Variants in LINGO2 observed in about 807,000 individuals in gnomAD.
LINGO2 encodes leucine-rich repeat and immunoglobulin-like domain-containing nogo receptor-interacting protein 2.
In LINGO2, 14 loss-of-function variants were observed where a neutral mutation model predicts 30.6. That is an observed-to-expected ratio of 0.46 (90% CI 0.30 to 0.72). LINGO2 has a LOEUF of 0.72. LINGO2 is among the 30% of genes least tolerant of loss of function. LINGO2 has a pLI of 0.07. For missense variants in LINGO2, 729 were observed against 751.7 expected, an observed-to-expected ratio of 0.97 and a Z score of 0.35; for synonymous variants, 317 against 288.5, an observed-to-expected ratio of 1.10 and a Z score of -1.00.
chr9:29,119,257 T>C, the LINGO2 span, among the ~76,000 whole-genome samples: 1 of 152,178 alleles, frequency 6.6e-6, no homozygotes, highest in African/African-American at 2.4e-5. Flanking sequence ...AGTGGCAGTC[T>C]ATGGAATGGA....
In LINGO2 at chr9:28,422,291, A is replaced by T. The variant is rs528656266; in HGVS notation, c.-278-49423T>A. Among the ~76,000 whole-genome samples, 3 of 152,234 alleles carry T rather than the reference A, an allele frequency of 2.0e-5. No individual in the cohort carries two copies. The South Asian group carries it at 6.2e-4, about 32-fold the overall frequency. On this transcript the variant is annotated intron_variant, in intron 2 of 5. Coordinates refer to ENST00000379992, the Ensembl canonical transcript of LINGO2. ...CTAAAAAGAGGTTAATATCCAGAAT[A>T]TATAAATAATTCCTACAACTCAACA...
At chr9:28,254,876 C>T (rs1822329766) in intron 4 of LINGO2, among the ~76,000 whole-genome samples, 1 of 151,982 alleles carries the variant, frequency 6.6e-6, no homozygotes, top group Admixed American at 6.6e-5. Context: ...GGTATTAAGC[C>T]CAGTATGCAT....
chr9:28,490,828 A>T (rs549428823), intron 1 of LINGO2, among the ~76,000 whole-genome samples: 1 of 152,318 alleles, frequency 6.6e-6, no homozygotes, highest in Non-Finnish European at 1.5e-5. Flanking sequence ...ATTGTACATA[A>T]TTTATCATCC....
At chr9:28,965,688 C>T in the LINGO2 span, among the ~76,000 whole-genome samples, 4 of 152,202 alleles carry the variant, frequency 2.6e-5, no homozygotes, top group East Asian at 3.9e-4. Context: ...TCTTAAAAAT[C>T]ACTTGAGCTC....
chr9:28,045,299 AG>A (rs1824369110), intron 4 of LINGO2, among the ~76,000 whole-genome samples: 1 of 152,134 alleles, frequency 6.6e-6, no homozygotes, highest in South Asian at 2.1e-4. Flanking sequence ...TCACCCTGAC[AG>A]AGGGAGAGTT....
At chr9:28,234,568 G>T (rs1288283229) in intron 4 of LINGO2, among the ~76,000 whole-genome samples, 1 of 152,186 alleles carries the variant, frequency 6.6e-6, no homozygotes. Flanking sequence ...GAATAAAGCA[G>T]GCAGAAGAAA....
the LINGO2 span, among the ~76,000 whole-genome samples, chr9:28,754,912 T>C: frequency 1.3e-5 from 2 of 152,044 alleles, no homozygotes; most frequent in African/African-American, 4.8e-5. Context: ...ATTACAGGCA[T>C]AAGCCACCAC....
At chr9:27,949,474 C>G in exon 6 of LINGO2, 1 of 1,614,050 alleles carries the variant, frequency 6.2e-7, no homozygotes, top group Non-Finnish European at 8.5e-7. Context: ...AAAGAAAGGG[C>G]AGTGCTATGG....
the LINGO2 span, among the ~76,000 whole-genome samples, chr9:28,941,417 G>A: frequency 1.1e-3 from 173 of 152,210 alleles, no homozygotes; most frequent in African/African-American, 4.0e-3. Flanking sequence ...TATAATGATA[G>A]TACCACAAGT....
the LINGO2 span, among the ~76,000 whole-genome samples, chr9:28,904,931 C>T: frequency 2.0e-5 from 3 of 151,976 alleles, no homozygotes; most frequent in Non-Finnish European, 4.4e-5. Context: ...AACAGAGACA[C>T]TGACCAAGGA....
rs1475374940 is a variant in LINGO2 at position 28,040,402 on chromosome 9, T to A, written c.-86-27997A>T. Reference sequence around the variant, plus strand: ...TAACTTCCTTCTCAACTTTAAGTGGTTGTTCAAAAAGACAGCTTGAAGTTT... The same window carrying A: ...TAACTTCCTTCTCAACTTTAAGTGGATGTTCAAAAAGACAGCTTGAAGTTT... On this transcript the variant is annotated intron_variant, in intron 4 of 5. Transcript: ENST00000379992. 3.9e-5 allele frequency among the ~76,000 whole-genome samples: 6 copies of A among 152,036 alleles called. No homozygotes were observed. The East Asian group carries it at 1.2e-3, about 29-fold the overall frequency.
At chr9:28,803,346 T>A in the LINGO2 span, among the ~76,000 whole-genome samples, 1 of 151,934 alleles carries the variant, frequency 6.6e-6, no homozygotes. Context: ...TATACTATCA[T>A]GTATTTACTG....
the LINGO2 span, among the ~76,000 whole-genome samples, chr9:29,205,223 G>C: frequency 2.0e-5 from 3 of 152,034 alleles, no homozygotes; most frequent in Non-Finnish European, 4.4e-5. Context: ...GTTATTTTTA[G>C]TAGAGACAGG....
chr9:28,355,299 GTCTCTCTCTCTC>G (rs3065608), intron 3 of LINGO2, among the ~76,000 whole-genome samples: 38 of 120,924 alleles, frequency 3.1e-4, no homozygotes, highest in Admixed American at 5.9e-4. Flanking sequence ...CTCTCTCTAT[GTCTCTCTCTCTC>G]TCTCTCTCTC....
chr9:29,042,769 A>C, the LINGO2 span, among the ~76,000 whole-genome samples: 3 of 151,958 alleles, frequency 2.0e-5, no homozygotes, highest in East Asian at 5.8e-4. Flanking sequence ...TATTTTTCTA[A>C]TACACACAAT....
chr9:29,210,247 C>G, the LINGO2 span, among the ~76,000 whole-genome samples: 2 of 152,044 alleles, frequency 1.3e-5, no homozygotes, highest in Non-Finnish European at 2.9e-5. Context: ...AAAACTGACT[C>G]GAGATTACAA....
At chr9:28,383,190 C>T (rs554567723) in intron 2 of LINGO2, among the ~76,000 whole-genome samples, 6 of 151,870 alleles carry the variant, frequency 4.0e-5, no homozygotes, top group African/African-American at 9.7e-5. Context: ...CTTCTGCCCA[C>T]GTGGGTTGCT....
the LINGO2 span, among the ~76,000 whole-genome samples, chr9:29,154,382 G>A: frequency 6.6e-6 from 1 of 151,012 alleles, no homozygotes; most frequent in Non-Finnish European, 1.5e-5. Flanking sequence ...CCCGGGAGGC[G>A]GAGCTTGCAG....
chr9:28,310,755 TAAAC>T lies in LINGO2; in HGVS notation c.-245-15393_-245-15390del, dbSNP rs1824582685. Among the ~76,000 whole-genome samples the T allele has an allele frequency of 2.0e-5, 3 of 152,280 alleles. No individual in the cohort carries two copies. The Middle Eastern group carries it at 0.01, about 518-fold the overall frequency. ...TATAGGTAAATAAAGCTGATTTAAA[TAAAC>T]AAATGGGATATAAGTATAAAGTTTA... On this transcript the variant is annotated intron_variant, in intron 3 of 5. Coordinates refer to ENST00000379992, the Ensembl canonical transcript of LINGO2.
Sources: gnomAD v4.1 joint callset for allele counts (sites outside exome capture counted in the v4.1 genomes callset) on GRCh38, gnomAD v4.1.1 for gene constraint, MANE v1.5 for transcripts, NCBI Gene and HGNC (gene_info 2026-07-23, HGNC 2026-07-21) for gene names.